CALCR: variants seen among roughly 807,000 people sequenced by gnomAD.
CALCR encodes calcitonin receptor.
In CALCR, 47 loss-of-function variants were observed where a neutral mutation model predicts 59.5. That is an observed-to-expected ratio of 0.79 (90% CI 0.63 to 1.01). The LOEUF is 1.01. Ranked by LOEUF, CALCR falls within the 50% of genes least tolerant of loss-of-function variation. The probability of loss-of-function intolerance (pLI) is 0.00; values close to 1 mark genes in which losing one functional copy is unlikely to be tolerated. For synonymous variants in CALCR, 213 were observed against 211.3 expected (o/e 1.01, Z -0.07); for missense variants, 566 against 597.1 (o/e 0.95, Z 0.54).
intron 2 of CALCR, among the ~76,000 whole-genome samples, chr7:93,554,769 G>GTGTATATATATA (rs1554408434): frequency 8.5e-6 from 1 of 117,202 alleles, no homozygotes; most frequent in African/African-American, 4.4e-5. Flanking sequence ...GCCAGGCCAT[G>GTGTATATATATA]TATATATATA....
chr7:93,450,975 T>C (rs1436921832), intron 8 of CALCR, among the ~76,000 whole-genome samples: 2 of 151,954 alleles, frequency 1.3e-5, no homozygotes, highest in Non-Finnish European at 2.9e-5. Flanking sequence ...ACAGTCCATC[T>C]ACATTTCAGG....
At chr7:93,452,786 C>T (rs1014867810) in intron 8 of CALCR, among the ~76,000 whole-genome samples, 2 of 151,658 alleles carry the variant, frequency 1.3e-5, no homozygotes, top group African/African-American at 4.8e-5. Flanking sequence ...GAAGACAATA[C>T]CAGGGCAAAC....
chr7:93,431,793 A>G (rs1206030175), intron 13 of CALCR, among the ~76,000 whole-genome samples: 2 of 152,148 alleles, frequency 1.3e-5, no homozygotes, highest in Non-Finnish European at 2.9e-5. Flanking sequence ...TCTATAAACT[A>G]TTTTATCCAC....
chr7:93,547,747 T>C (rs80083660), intron 2 of CALCR, among the ~76,000 whole-genome samples: 5,612 of 152,256 alleles, frequency 0.037, 350 homozygotes, highest in African/African-American at 0.13. Flanking sequence ...AGCAAGTAAT[T>C]GGTCCCAGTA....
chr7:93,544,059 G>A (rs980663095), intron 2 of CALCR, among the ~76,000 whole-genome samples: 4 of 151,666 alleles, frequency 2.6e-5, no homozygotes, highest in African/African-American at 7.3e-5. Context: ...CATAACTTAC[G>A]ACCAATCATG....
At position 93,438,271 on chromosome 7, in the gene CALCR, C is replaced by T. The variant is rs1799826332; in HGVS notation, c.803-1G>A. The T allele has an allele frequency of 6.2e-7, 1 of 1,610,718 alleles. No homozygotes were observed. The highest frequency in any genetic ancestry group is 8.5e-7 in the Non-Finnish European group (1 of 1,177,064). On this transcript the variant is annotated splice_acceptor_variant, in intron 9 of 13. Coordinates refer to ENST00000426151, the MANE Select transcript of CALCR (RefSeq NM_001742.4). LOFTEE classifies it high-confidence loss of function. Reference sequence around the variant, plus strand: ...ATAGTGGTTGGCACCAGCGGGAACCCTACAAATGTGAAAAGTACAAATCAC... The same window carrying T: ...ATAGTGGTTGGCACCAGCGGGAACCTTACAAATGTGAAAAGTACAAATCAC...
intron 3 of CALCR, among the ~76,000 whole-genome samples, chr7:93,480,493 A>T (rs1800771757): frequency 6.6e-6 from 1 of 151,846 alleles, no homozygotes; most frequent in Non-Finnish European, 1.5e-5. Flanking sequence ...TTCAATTCTA[A>T]GATTGAAGTT....
At chr7:93,545,347 AG>A (rs1789256962) in intron 2 of CALCR, among the ~76,000 whole-genome samples, 1 of 152,200 alleles carries the variant, frequency 6.6e-6, no homozygotes, top group African/African-American at 2.4e-5. Context: ...AAATATTAAA[AG>A]AATTTCAACT....
At chr7:93,543,366 A>C (rs1295426076) in intron 2 of CALCR, among the ~76,000 whole-genome samples, 2 of 152,090 alleles carry the variant, frequency 1.3e-5, no homozygotes, top group Admixed American at 6.6e-5. Context: ...GCTGGTCTCG[A>C]ACTCCTGATC....
At chr7:93,465,373 CA>C (rs1178397489) in intron 7 of CALCR, among the ~76,000 whole-genome samples, 2 of 151,926 alleles carry the variant, frequency 1.3e-5, no homozygotes, top group African/African-American at 4.8e-5. Context: ...CTCTTGTTGA[CA>C]CTTACTATTG....
chr7:93,481,233 G>A (rs10250852), intron 3 of CALCR, among the ~76,000 whole-genome samples: 2,569 of 151,870 alleles, frequency 0.017, 69 homozygotes, highest in African/African-American at 0.059. Flanking sequence ...TGATAAAGAT[G>A]TTTTGTAGAT....
intron 2 of CALCR, among the ~76,000 whole-genome samples, chr7:93,539,828 G>A (rs1208761346): frequency 3.3e-5 from 5 of 152,154 alleles, no homozygotes; most frequent in African/African-American, 1.2e-4. Flanking sequence ...TAAGAAGAAA[G>A]AAGCAGTTCA....
intron 2 of CALCR, among the ~76,000 whole-genome samples, chr7:93,498,598 C>T (rs2214212): frequency 0.37 from 55,733 of 151,218 alleles, 11,703 homozygotes; most frequent in South Asian, 0.48. Flanking sequence ...TGTTTCAATG[C>T]TTTCTTAAGA....
intron 2 of CALCR, among the ~76,000 whole-genome samples, chr7:93,565,163 A>T (rs1434486869): frequency 6.6e-6 from 1 of 152,224 alleles, no homozygotes. Context: ...AGAGCACTAG[A>T]TGTGGAGTCA....
chr7:93,437,895 G>A lies in CALCR; in HGVS notation c.930+165C>T, dbSNP rs576879531. ...ACCCCTCCATGTGTGAGTAAAAGGCGTTTTTTTGAAGAGTCTAAAATCAAA... is the reference window on the plus strand; with the variant it reads ...ACCCCTCCATGTGTGAGTAAAAGGCATTTTTTTGAAGAGTCTAAAATCAAA... On this transcript the variant is annotated intron_variant, in intron 11 of 13. Coordinates refer to ENST00000426151, the MANE Select transcript of CALCR (RefSeq NM_001742.4). Among the ~76,000 whole-genome samples, 26 of 152,020 alleles carry A rather than the reference G, an allele frequency of 1.7e-4. No homozygotes were observed. In the South Asian group the frequency reaches 4.8e-3, roughly 28 times the overall value.
chr7:93,524,985 A>G lies in CALCR; in HGVS notation c.-26-37978T>C, dbSNP rs191755555. On this transcript the variant is annotated intron_variant, in intron 2 of 13. Transcript: ENST00000426151. Reference sequence around the variant, plus strand: ...TTATTGGGTTGTTTGGAGTATTAAAAGAATCCATGCCTGCAACATGCTTAG... The same window carrying G: ...TTATTGGGTTGTTTGGAGTATTAAAGGAATCCATGCCTGCAACATGCTTAG... Among the ~76,000 whole-genome samples the G allele has an allele frequency of 7.9e-3, 1,207 of 152,290 alleles. 5 individuals carry two copies. Among genetic ancestry groups the G allele is most frequent in the Non-Finnish European group, 0.011 (770 of 68,016 alleles).
At chr7:93,490,444 T>C (rs921170436) in intron 2 of CALCR, among the ~76,000 whole-genome samples, 21 of 151,800 alleles carry the variant, frequency 1.4e-4, no homozygotes, top group African/African-American at 4.8e-4. Context: ...GGTATTCAAA[T>C]AGGAATAGAG....
intron 13 of CALCR, among the ~76,000 whole-genome samples, chr7:93,430,755 C>A (rs1341477349): frequency 6.6e-6 from 1 of 152,064 alleles, no homozygotes; most frequent in Non-Finnish European, 1.5e-5. Context: ...ATTCTCAAAC[C>A]CCACCCCAGA....
intron 2 of CALCR, among the ~76,000 whole-genome samples, chr7:93,546,505 ATGGTGGCTTCCCAACATTTGTCCTGAAGC>A (rs925659869): frequency 6.6e-6 from 1 of 152,122 alleles, no homozygotes; most frequent in African/African-American, 2.4e-5. Context: ...AGAGCCTGAA[ATGGTGGCTTCCCAACATTTGTCCTGAAGC>A]TGGGCCCATG....
Sources: gnomAD v4.1 joint callset for allele counts (sites outside exome capture counted in the v4.1 genomes callset) on GRCh38, gnomAD v4.1.1 for gene constraint, MANE v1.5 for transcripts, NCBI Gene and HGNC (gene_info 2026-07-23, HGNC 2026-07-21) for gene names.